Variants in RHPN2 observed in about 807,000 individuals in gnomAD.
RHPN2 encodes rhophilin Rho GTPase binding protein 2, also known as rhophilin-2.
Under a neutral mutation model 79.0 loss-of-function variants are expected in RHPN2, and 40 were observed. The ratio of observed to expected loss-of-function variants is 0.51; its 90% confidence interval spans 0.39 to 0.66. RHPN2 has a LOEUF of 0.66. Among genes scored for constraint, RHPN2 ranks in the 30% least tolerant of loss-of-function variants. RHPN2 has a pLI of 0.00. For synonymous variants in RHPN2, 285 were observed against 363.5 expected (o/e 0.78, Z 2.46); for missense variants, 686 against 883.5 (o/e 0.78, Z 2.83).
intron 14 of RHPN2, among the ~76,000 whole-genome samples, chr19:32,987,946 G>A (rs1418301713): frequency 2.6e-5 from 4 of 152,026 alleles, no homozygotes; most frequent in African/African-American, 9.7e-5. Context: ...TTTGGGAGGC[G>A]GAGGTGGGAG....
intron 1 of RHPN2, chr19:33,051,605 C>G (rs1222812311): frequency 1.7e-5 from 3 of 180,306 alleles, no homozygotes; most frequent in Non-Finnish European, 3.8e-5. Context: ...AATGTGTGCC[C>G]AGAGAAAAGC....
chr19:32,981,715 T>TC (rs1971576767), intron 14 of RHPN2, among the ~76,000 whole-genome samples: 1 of 149,764 alleles, frequency 6.7e-6, no homozygotes, highest in African/African-American at 2.4e-5. Flanking sequence ...TCCTTTTTTT[T>TC]TTTTTTTTTA....
At chr19:33,047,807 G>C (rs773802283) in intron 1 of RHPN2, among the ~76,000 whole-genome samples, 1 of 152,134 alleles carries the variant, frequency 6.6e-6, no homozygotes, top group Admixed American at 6.5e-5. Context: ...AGCACTTTGA[G>C]AGGCTGAGGC....
chr19:33,004,807 G>A (rs1027720660), intron 7 of RHPN2, among the ~76,000 whole-genome samples: 6 of 151,628 alleles, frequency 4.0e-5, no homozygotes, highest in East Asian at 4.0e-4. Flanking sequence ...GGCTGGTCTC[G>A]AACTCCTGAC....
intron 12 of RHPN2, chr19:32,992,257 G>A (rs1159147183): frequency 7.9e-6 from 3 of 378,346 alleles, no homozygotes; most frequent in Non-Finnish European, 1.0e-5. Context: ...AGGCTAGAGT[G>A]TGGTGGTATG....
At chr19:33,032,973 C>A (rs1458995119) in intron 2 of RHPN2, among the ~76,000 whole-genome samples, 2 of 152,098 alleles carry the variant, frequency 1.3e-5, no homozygotes, top group African/African-American at 2.4e-5. Context: ...CTTTCTCTTG[C>A]CTTCATATCT....
intron 3 of RHPN2, among the ~76,000 whole-genome samples, chr19:33,024,107 C>T (rs147213936): frequency 6.6e-6 from 1 of 152,138 alleles, no homozygotes; most frequent in Non-Finnish European, 1.5e-5. Flanking sequence ...GCTGGGAGAA[C>T]CTTCCATTAG....
intron 3 of RHPN2, among the ~76,000 whole-genome samples, chr19:33,023,845 CG>C (rs1295248906): frequency 6.6e-6 from 1 of 151,870 alleles, no homozygotes; most frequent in African/African-American, 2.4e-5. Context: ...TGCATGGTGC[CG>C]TGTTGAATCT....
chr19:33,014,199 A>G (rs1971860373), intron 4 of RHPN2, among the ~76,000 whole-genome samples: 2 of 151,712 alleles, frequency 1.3e-5, no homozygotes, highest in Non-Finnish European at 2.9e-5. Flanking sequence ...CAACTTTTAC[A>G]TTAAAGCTCC....
At position 32,990,638 on chromosome 19, in the gene RHPN2, A is replaced by G. The variant is rs1420723980; in HGVS notation, c.1676T>C (p.Val559Ala). 11 of 1,613,962 alleles carry G rather than the reference A, an allele frequency of 6.8e-6. No individual in the cohort carries two copies. The highest frequency in any genetic ancestry group is 9.3e-6 in the Non-Finnish European group (11 of 1,179,874). ...CTTACAATCCACAAGCTGAATGGAG[A>G]CAATATAATCTCCTTCCCGGGCTCC... ...VAGAREGDYI[V>A]SIQLVDCKWL... Residue 559 changes from valine (V) to alanine (A), a missense_variant, in exon 14 of 15, where the codon GTC becomes GCC. Transcript: ENST00000254260.
chr19:33,042,780 A>T (rs1254517008), intron 2 of RHPN2, among the ~76,000 whole-genome samples: 1 of 151,996 alleles, frequency 6.6e-6, no homozygotes, highest in Admixed American at 6.6e-5. Context: ...AATAATTTTT[A>T]AAAAATCAGT....
intron 2 of RHPN2, among the ~76,000 whole-genome samples, chr19:33,034,406 C>T (rs1804881660): frequency 6.6e-6 from 1 of 151,776 alleles, no homozygotes; most frequent in Admixed American, 6.6e-5. Flanking sequence ...GAGATCAAGA[C>T]CATCCTGGCT....
chr19:33,026,325 G>A (rs768255131), intron 3 of RHPN2, among the ~76,000 whole-genome samples, 179 bp downstream of exon 3: 9 of 151,792 alleles, frequency 5.9e-5, no homozygotes, highest in Non-Finnish European at 8.8e-5. Flanking sequence ...CAACAAATGG[G>A]CTCATCCCTT....
chr19:33,049,930 T>G (rs924575812), intron 1 of RHPN2, among the ~76,000 whole-genome samples: 2 of 152,116 alleles, frequency 1.3e-5, no homozygotes, highest in Admixed American at 1.3e-4. Context: ...CACCCCTTCA[T>G]GGGTGATGGC....
intron 14 of RHPN2, among the ~76,000 whole-genome samples, chr19:32,989,495 A>T (rs953472603): frequency 4.6e-5 from 7 of 152,198 alleles, no homozygotes; most frequent in African/African-American, 1.2e-4. Flanking sequence ...CATGGCTGAC[A>T]CTGCCTCTAG....
At position 33,046,242 on chromosome 19, in the gene RHPN2, G is replaced by C. The variant is rs368147886; in HGVS notation, c.70-1878C>G. ...TATAGAAATAAAATGTCTAGATCAGGTGGTTTTTTTGTTTTGTTTTTATTT... is the reference window on the plus strand; with the variant it reads ...TATAGAAATAAAATGTCTAGATCAGCTGGTTTTTTTGTTTTGTTTTTATTT... On this transcript the variant is annotated intron_variant, in intron 1 of 14. Coordinates refer to ENST00000254260, the MANE Select transcript of RHPN2 (RefSeq NM_033103.5). Among the ~76,000 whole-genome samples the C allele has an allele frequency of 3.3e-5, 5 of 152,104 alleles. No individual in the cohort carries two copies. In the East Asian group the frequency reaches 9.6e-4, roughly 29 times the overall value.
intron 3 of RHPN2, among the ~76,000 whole-genome samples, chr19:33,023,708 C>G (rs568094234): frequency 6.0e-5 from 9 of 151,010 alleles, no homozygotes; most frequent in Admixed American, 5.9e-4. Flanking sequence ...TGGTGTGAAC[C>G]CGGGAGGCAG....
rs1227082744 is a variant in RHPN2 at position 32,979,202 on chromosome 19, A to G, written c.*794T>C. On this transcript the variant is annotated 3_prime_UTR_variant, in exon 15 of 15. Coordinates refer to ENST00000254260, the MANE Select transcript of RHPN2 (RefSeq NM_033103.5). Reference sequence around the variant, plus strand: ...TTAAACCTGAATCATTTACATCTTTACTTTATAAAATGTAAAACTACTTTT... The same window carrying G: ...TTAAACCTGAATCATTTACATCTTTGCTTTATAAAATGTAAAACTACTTTT... 1.3e-5 allele frequency: 2 copies of G among 152,366 alleles called. No homozygotes were observed. Among genetic ancestry groups the G allele is most frequent in the East Asian group, 1.9e-4 (1 of 5,188 alleles). 9.4% of individuals were successfully genotyped at this position (152,366 alleles called of 1,614,324 possible). A position where few individuals can be genotyped will look rare whatever the true frequency, so the allele number is the denominator to read the frequency against.
At chr19:33,041,043 C>A (rs1182118029) in intron 2 of RHPN2, among the ~76,000 whole-genome samples, 2 of 152,180 alleles carry the variant, frequency 1.3e-5, no homozygotes, top group Non-Finnish European at 2.9e-5. Flanking sequence ...GGACTCCCAG[C>A]TGGAATGGAT....
Sources: gnomAD v4.1 joint callset for allele counts (sites outside exome capture counted in the v4.1 genomes callset) on GRCh38, gnomAD v4.1.1 for gene constraint, MANE v1.5 for transcripts, NCBI Gene and HGNC (gene_info 2026-07-23, HGNC 2026-07-21) for gene names.